Variants in TNC observed in about 807,000 individuals in gnomAD.
TNC encodes tenascin C, also known as tenascin.
Under a neutral mutation model 202.4 loss-of-function variants are expected in TNC, and 109 were observed. The observed-to-expected ratio is 0.54, with a 90% CI of 0.46 to 0.63. The LOEUF is 0.63. Ranked by LOEUF, TNC falls within the 30% of genes least tolerant of loss-of-function variation. The pLI is 0.00. For synonymous variants in TNC, 1,007 were observed against 1,089.7 expected (o/e 0.92, Z 1.50); for missense variants, 2,756 against 2,833.3 (o/e 0.97, Z 0.62).
At chr9:115,025,565 T>G (rs867661984) in intron 26 of TNC, among the ~76,000 whole-genome samples, 1 of 152,124 alleles carries the variant, frequency 6.6e-6, no homozygotes, top group Non-Finnish European at 1.5e-5. Context: ...TGACCCTTCT[T>G]TGTCACTGAG....
intron 19 of TNC, among the ~76,000 whole-genome samples, chr9:115,039,889 C>A (rs1830604096): frequency 1.3e-5 from 2 of 152,234 alleles, no homozygotes; most frequent in Admixed American, 1.3e-4. Flanking sequence ...GCCTGTGAGG[C>A]AGGGTGGACG....
intron 10 of TNC, among the ~76,000 whole-genome samples, chr9:115,066,960 T>A (rs951740671): frequency 1.3e-5 from 2 of 152,230 alleles, no homozygotes; most frequent in Non-Finnish European, 2.9e-5. Context: ...CAATACTTGA[T>A]CTTGAATACA....
At chr9:115,069,479 A>T (rs1174123641) in intron 10 of TNC, among the ~76,000 whole-genome samples, 3 of 151,584 alleles carry the variant, frequency 2.0e-5, no homozygotes, top group African/African-American at 7.3e-5. Flanking sequence ...AGGAGAGGGA[A>T]AGAGAAGGGA....
intron 10 of TNC, among the ~76,000 whole-genome samples, chr9:115,068,257 G>A (rs1833102365): frequency 6.6e-6 from 1 of 152,160 alleles, no homozygotes; most frequent in African/African-American, 2.4e-5. Context: ...GCTGTGCACT[G>A]GAATCTACCC....
At chr9:115,035,987 T>C (rs1205475980) in intron 21 of TNC, 111 bp downstream of exon 21, 2 of 1,301,874 alleles carry the variant, frequency 1.5e-6, no homozygotes, top group Admixed American at 2.0e-5. Context: ...GTAATCACAT[T>C]GCAAGGCCCT....
intron 1 of TNC, among the ~76,000 whole-genome samples, chr9:115,094,246 G>A (rs1392659940): frequency 6.6e-6 from 1 of 152,154 alleles, no homozygotes; most frequent in African/African-American, 2.4e-5. Flanking sequence ...CATGTCAATA[G>A]CCTCCTTTTA....
chr9:115,092,151 T>C (rs1355941340), intron 1 of TNC, among the ~76,000 whole-genome samples: 2 of 152,220 alleles, frequency 1.3e-5, no homozygotes, highest in African/African-American at 4.8e-5. Context: ...TGGTATAGTG[T>C]ATAACTGCCT....
intron 20 of TNC, 109 bp downstream of exon 20, chr9:115,038,152 G>A (rs1225629864): frequency 1.4e-6 from 2 of 1,421,852 alleles, no homozygotes; most frequent in African/African-American, 2.8e-5. Flanking sequence ...ACCTACCCAT[G>A]CATTTTTATC....
intron 6 of TNC, among the ~76,000 whole-genome samples, chr9:115,078,568 G>A (rs1315049998): frequency 6.6e-6 from 1 of 151,660 alleles, no homozygotes; most frequent in African/African-American, 2.4e-5. Flanking sequence ...ATGCTTTGGG[G>A]ATACTTTATT....
At chr9:115,035,091 C>T (rs907448129) in intron 22 of TNC, 113 bp downstream of exon 22, 603 of 1,097,146 alleles carry the variant, frequency 5.5e-4, no homozygotes, top group Non-Finnish European at 7.2e-4. Context: ...TTTTTTTTTT[C>T]AGCTCCCCAG....
Position 115,086,265 on chromosome 9 carries a change from T to C in TNC, c.1466A>G (p.Asp489Gly), listed in dbSNP as rs1161586938. ...CCGGCAGTCTTCCCCTGTGTAGCCG[T>C]CATCACAAACACACATGCCATTCAC... Reference protein sequence around the residue: ...RCVNGMCVCDDGYTGEDCRDR... With the variant: ...RCVNGMCVCDGGYTGEDCRDR... Residue 489 changes from aspartate (D) to glycine (G), a missense_variant, in exon 3 of 28, where the codon GAC (aspartate) becomes GGC (glycine). Around this residue, in one of 2 missense-constraint regions of TNC, gnomAD observed 2,559 missense variants for 2,546.0 expected, o/e 1.01. Transcript: ENST00000350763. The C allele has an allele frequency of 6.2e-6, 10 of 1,614,180 alleles. No individual in the cohort carries two copies. The highest frequency in any genetic ancestry group is 6.8e-6 in the Non-Finnish European group (8 of 1,180,030).
intron 20 of TNC, 56 bp from the exon 21 acceptor site, chr9:115,036,297 TG>T (rs1830328496): frequency 6.3e-7 from 1 of 1,594,796 alleles, no homozygotes; most frequent in South Asian, 1.1e-5. Context: ...GAGCCATGAG[TG>T]GGCTTGGCAA....
chr9:115,026,787 T>C, intron 25 of TNC, 92 bp from the exon 26 acceptor site: 1 of 1,219,344 alleles, frequency 8.2e-7, no homozygotes, highest in Non-Finnish European at 1.1e-6. Context: ...TGGGTACACT[T>C]AAGACAGGGC....
rs781375912 is a variant in TNC, at chr9:115,082,805, A to G, written c.2134T>C (p.Leu712=). The change falls in exon 5 of 28, where the codon TTA becomes CTA. Residue 712 remains leucine, a splice_region_variant and synonymous_variant. Transcript: ENST00000350763. ...IPVSARVATY[L]PAPEGLKFKS... ...AATTTCAGGCCTTCAGGTGCAGGTA[A>G]GTCTGTAAGTAACAACATAAATAGA... The G allele has an allele frequency of 6.2e-7, 1 of 1,609,058 alleles. No individual in the cohort carries two copies. Among genetic ancestry groups the G allele is most frequent in the Non-Finnish European group, 8.5e-7 (1 of 1,175,522 alleles).
At position 115,021,172 on chromosome 9, in the gene TNC, C is replaced by T; in HGVS notation, c.6591G>A (p.Arg2197=). 6.2e-7 allele frequency: 1 copy of T among 1,613,916 alleles called. No individual in the cohort carries two copies. Among genetic ancestry groups the T allele is most frequent in the South Asian group, 1.1e-5 (1 of 91,072 alleles). Residue 2197 remains arginine (R), a synonymous_variant, in exon 28 of 28, where the codon AGG becomes AGA. Coordinates refer to ENST00000350763, the MANE Select transcript of TNC (RefSeq NM_002160.4). ...TCCCTGGAATTTATGCCCGTTTGCG[C>T]CTGCCTTCAAGATTTCTGAAGTTGC... ...RPSNFRNLEG[R]RKRA is the part of the protein sequence containing the mutation.
intron 1 of TNC, among the ~76,000 whole-genome samples, chr9:115,100,584 C>A (rs1301576462): frequency 6.6e-6 from 1 of 152,288 alleles, no homozygotes; most frequent in East Asian, 1.9e-4. Context: ...GCCTTTGGGT[C>A]AAGGAATTCG....
In TNC at chr9:115,084,475, G is replaced by A. The variant is rs1490361457; in HGVS notation, c.1868-3C>T. On this transcript the variant is annotated splice_region_variant and splice_polypyrimidine_tract_variant and intron_variant, in intron 3 of 27. Coordinates refer to ENST00000350763, the MANE Select transcript of TNC (RefSeq NM_002160.4). ...AACGAGGTCTTTGGGAGGAGACACT[G>A]GCAGGAATAAGAAAGGACATCTGGT... 1 of 1,613,644 alleles carries A rather than the reference G, an allele frequency of 6.2e-7. No homozygotes were observed. Among genetic ancestry groups the A allele is most frequent in the Non-Finnish European group, 8.5e-7 (1 of 1,179,632 alleles).
chr9:115,106,001 G>A (rs916549268), intron 1 of TNC, among the ~76,000 whole-genome samples: 1 of 152,140 alleles, frequency 6.6e-6, no homozygotes, highest in Non-Finnish European at 1.5e-5. Flanking sequence ...GGGAAGAACT[G>A]ATAGAGAACA....
At chr9:115,033,390 C>T (rs1830090160) in intron 22 of TNC, among the ~76,000 whole-genome samples, 1 of 152,132 alleles carries the variant, frequency 6.6e-6, no homozygotes, top group Non-Finnish European at 1.5e-5. Context: ...CTTAGGAATA[C>T]AATTACCTGT....
Sources: allele counts gnomAD v4.1 joint callset (sites outside exome capture counted in the v4.1 genomes callset), GRCh38; gene constraint gnomAD v4.1.1; regional missense constraint gnomAD v4.1.1; transcripts MANE v1.5; gene names NCBI Gene and HGNC (gene_info 2026-07-23, HGNC 2026-07-21).